Variants in KCNK12 observed in about 807,000 individuals in gnomAD.
KCNK12 encodes potassium two pore domain channel subfamily K member 12, also known as potassium channel subfamily K member 12.
Under a neutral mutation model 25.3 loss-of-function variants are expected in KCNK12, and 6 were observed. The ratio of observed to expected loss-of-function variants is 0.24; its 90% CI spans 0.13 to 0.47. The LOEUF is 0.47. Ranked by LOEUF, KCNK12 falls within the 20% of genes least tolerant of loss-of-function variation. The pLI, the probability that KCNK12 is intolerant of heterozygous loss-of-function variation, is 0.99. For missense variants in KCNK12, 444 were observed against 661.7 expected, an observed-to-expected ratio of 0.67 and a Z score of 3.61; for synonymous variants, 331 against 311.1, an observed-to-expected ratio of 1.06 and a Z score of -0.67.
chr2:47,531,656 G>A (rs1427350494), intron 1 of KCNK12, among the ~76,000 whole-genome samples: 1 of 152,172 alleles, frequency 6.6e-6, no homozygotes, highest in Non-Finnish European at 1.5e-5. Context: ...TGATGGAGCA[G>A]GGGAATCTGT....
rs1357555833 is a variant in KCNK12, at chr2:47,540,258, C to T, written c.392-18450G>A. On this transcript the variant is annotated intron_variant, in intron 1 of 1. Transcript: ENST00000327876. The surrounding 1 kb of genome is among the most constrained non-coding windows in gnomAD (Gnocchi z 5.4). Reference sequence around the variant, plus strand: ...CTGAAGTTTCACAACAGTGTCAACCCCCTCCCTCATGTGTGTACTCACAGC... The same window carrying T: ...CTGAAGTTTCACAACAGTGTCAACCTCCTCCCTCATGTGTGTACTCACAGC... Among the ~76,000 whole-genome samples the T allele has an allele frequency of 6.6e-6, 1 of 152,134 alleles. No individual in the cohort carries two copies. Among genetic ancestry groups the T allele is most frequent in the Non-Finnish European group, 1.5e-5 (1 of 68,028 alleles).
rs1175251430 is a variant in KCNK12 at position 47,510,041 on chromosome 2, G to A, written c.*10866C>T. On this transcript the variant is annotated 3_prime_UTR_variant, in exon 2 of 2. Transcript: ENST00000327876. ...TCTCTCCCTCCCTCCCTTATAGGTG[G>A]TGACGATCATGTGACTCTCTTCTGG... The A allele has an allele frequency of 6.6e-6, 1 of 152,214 alleles. No homozygotes were observed. The highest frequency in any genetic ancestry group is 2.4e-5 in the African/African-American group (1 of 41,440). The allele number at this position is 152,214 out of a possible 1,614,324, so 9.4% of individuals were successfully genotyped here.
Position 47,509,511 on chromosome 2 carries a change from T to G in KCNK12, c.*11396A>C, listed in dbSNP as rs1164455892. Among the ~76,000 whole-genome samples the G allele has an allele frequency of 6.6e-6, 1 of 152,238 alleles. No individual in the cohort carries two copies. The highest frequency in any genetic ancestry group is 1.5e-5 in the Non-Finnish European group (1 of 68,042). On this transcript the variant is annotated 3_prime_UTR_variant, in exon 2 of 2. Coordinates refer to ENST00000327876, the MANE Select transcript of KCNK12 (RefSeq NM_022055.2). Reference sequence around the variant, plus strand: ...CAGCATTAGCTGGCTGGAGGTGGCCTGCTGTGTGCAGATGGTACCTGGTGC... The same window carrying G: ...CAGCATTAGCTGGCTGGAGGTGGCCGGCTGTGTGCAGATGGTACCTGGTGC...
intron 1 of KCNK12, among the ~76,000 whole-genome samples, chr2:47,559,901 G>A (rs1181963813): frequency 6.6e-6 from 1 of 152,232 alleles, no homozygotes; most frequent in Non-Finnish European, 1.5e-5. Flanking sequence ...ATTCCAGGTG[G>A]AGAGTACAGC....
chr2:47,523,921 T>G (rs1399834975), intron 1 of KCNK12, among the ~76,000 whole-genome samples: 1 of 152,260 alleles, frequency 6.6e-6, no homozygotes, highest in African/African-American at 2.4e-5. Flanking sequence ...TGTGGCTTAC[T>G]AGTTTCCTAA....
In KCNK12 at chr2:47,544,754, G is replaced by A. The variant is rs370563921; in HGVS notation, c.392-22946C>T. Among the ~76,000 whole-genome samples the A allele has an allele frequency of 1.8e-4, 27 of 152,312 alleles. No homozygotes were observed. The South Asian group carries it at 5.4e-3, about 30-fold the overall frequency. On this transcript the variant is annotated intron_variant, in intron 1 of 1. Transcript: ENST00000327876. ...CTCCTAGGTGGGTCCCCCAGGCTAG[G>A]TCCTGTGGGGGATGCAGTTGCACTT...
chr2:47,541,633 G>A (rs1306602813), intron 1 of KCNK12, among the ~76,000 whole-genome samples: 2 of 152,068 alleles, frequency 1.3e-5, no homozygotes, highest in Non-Finnish European at 2.9e-5. Context: ...TTAAAAAAGG[G>A]AATCAAGGTA....
chr2:47,552,345 T>G (rs915490462), intron 1 of KCNK12, among the ~76,000 whole-genome samples: 1 of 152,104 alleles, frequency 6.6e-6, no homozygotes. Flanking sequence ...GAGCCCAGCT[T>G]TGGAGGAGGG....
intron 1 of KCNK12, among the ~76,000 whole-genome samples, chr2:47,567,561 G>A (rs1324693435): frequency 6.6e-6 from 1 of 152,182 alleles, no homozygotes; most frequent in African/African-American, 2.4e-5. Context: ...CTGACTGATG[G>A]AAGTGACCAA....
Position 47,513,715 on chromosome 2 carries a change from G to A in KCNK12, c.*7192C>T, listed in dbSNP as rs1258152523. 6.6e-6 allele frequency among the ~76,000 whole-genome samples: 1 copy of A among 152,052 alleles called. No homozygotes were observed. The highest frequency in any genetic ancestry group is 1.9e-4 in the East Asian group (1 of 5,180). On this transcript the variant is annotated 3_prime_UTR_variant, in exon 2 of 2. Coordinates refer to ENST00000327876, the MANE Select transcript of KCNK12 (RefSeq NM_022055.2). ...TCACCTCTTCTGTTCCTCCTCCTGGGTTCCCAGGCTCAGTGGTGGCACCAC... is the reference window on the plus strand; with the variant it reads ...TCACCTCTTCTGTTCCTCCTCCTGGATTCCCAGGCTCAGTGGTGGCACCAC...
chr2:47,536,196 G>C (rs372933751), intron 1 of KCNK12, among the ~76,000 whole-genome samples: 2 of 152,170 alleles, frequency 1.3e-5, no homozygotes, highest in African/African-American at 4.8e-5. Flanking sequence ...TCAAGGTCAG[G>C]AATGACTTAT....
In KCNK12 at chr2:47,528,352, CCTT is replaced by C. The variant is rs1473333752; in HGVS notation, c.392-6547_392-6545del. ...AAGGTGGGGGTGGAGGATGGTCCAT[CCTT>C]CTTCCGCATCAAGGTCAGTAGGTTC... On this transcript the variant is annotated intron_variant, in intron 1 of 1. Transcript: ENST00000327876. This position sits in a 1 kb window ranked among gnomAD's most constrained non-coding sequence, Gnocchi z 4.5. 2 of 152,442 alleles carry C rather than the reference CCTT, an allele frequency of 1.3e-5. No individual in the cohort carries two copies. Among genetic ancestry groups the C allele is most frequent in the African/African-American group, 2.4e-5 (1 of 41,454 alleles). 9.4% of individuals were successfully genotyped at this position (152,442 alleles called of 1,614,324 possible).
intron 1 of KCNK12, among the ~76,000 whole-genome samples, chr2:47,536,396 C>T (rs1347374689): frequency 1.3e-5 from 2 of 152,166 alleles, no homozygotes; most frequent in African/African-American, 2.4e-5. Flanking sequence ...TTCTTGCCAC[C>T]CTCCAGAATG....
At chr2:47,554,357 G>T (rs956440704) in intron 1 of KCNK12, among the ~76,000 whole-genome samples, 1 of 152,208 alleles carries the variant, frequency 6.6e-6, no homozygotes, top group Non-Finnish European at 1.5e-5. Context: ...ACAGTGACTA[G>T]GGGTTAGTGG....
In KCNK12 at chr2:47,521,147, G is replaced by A; in HGVS notation, c.1053C>T (p.Asp351=). ...LRRRLAALGA[D]PAARDSDAEG... ...CGGCGTCGCTGTCGCGGGCCGCGGG[G>A]TCGGCACCGAGCGCGGCCAGGCGGC... The change falls in exon 2 of 2, where the codon GAC becomes GAT. Residue 351 remains aspartate, a synonymous_variant. Transcript: ENST00000327876. 7.7e-7 allele frequency: 1 copy of A among 1,295,260 alleles called. No homozygotes were observed. Among genetic ancestry groups the A allele is most frequent in the Non-Finnish European group, 9.7e-7 (1 of 1,026,366 alleles). The allele number at this position is 1,295,260 out of a possible 1,614,324, so 80.2% of individuals were successfully genotyped here.
In KCNK12 at chr2:47,521,504, C is replaced by T. The variant is rs954531516; in HGVS notation, c.696G>A (p.Ser232=). 3.1e-6 allele frequency: 5 copies of T among 1,594,036 alleles called. No individual in the cohort carries two copies. The South Asian group carries it at 5.7e-5, about 18-fold the overall frequency. The part of the protein sequence containing the change: ...LFAVLLSCCA[S]AMYTSVEGWD... ...AGCCCTCCACGCTGGTGTACATGGC[C>T]GAGGCGCAGCAGGACAGCAGCACGG... The change falls in exon 2 of 2, where the codon TCG becomes TCA. Residue 232 remains serine, a synonymous_variant. Transcript: ENST00000327876.
Position 47,520,017 on chromosome 2 carries a change from A to G in KCNK12, c.*890T>C, listed in dbSNP as rs1324207378. The G allele has an allele frequency of 6.6e-6, 1 of 152,306 alleles. No individual in the cohort carries two copies. The highest frequency in any genetic ancestry group is 1.9e-4 in the East Asian group (1 of 5,184). 9.4% of individuals were successfully genotyped at this position (152,306 alleles called of 1,614,324 possible). Reference sequence around the variant, plus strand: ...AAAAAATCCACACCAACAAATAAATATCTTGTCTGAGAAGACTCAGATATT... The same window carrying G: ...AAAAAATCCACACCAACAAATAAATGTCTTGTCTGAGAAGACTCAGATATT... On this transcript the variant is annotated 3_prime_UTR_variant, in exon 2 of 2. Transcript: ENST00000327876. This position sits in a 1 kb window ranked among gnomAD's most constrained non-coding sequence, Gnocchi z 5.0.
In KCNK12 at chr2:47,544,639, C is replaced by A. The variant is rs184374395; in HGVS notation, c.392-22831G>T. Among the ~76,000 whole-genome samples, 234 of 152,316 alleles carry A rather than the reference C, an allele frequency of 1.5e-3. 1 individual carries two copies. The Middle Eastern group carries it at 0.044, about 29-fold the overall frequency. On this transcript the variant is annotated intron_variant, in intron 1 of 1. Coordinates refer to ENST00000327876, the MANE Select transcript of KCNK12 (RefSeq NM_022055.2). The stretch of plus-strand genomic sequence containing the variant: ...TGTAATTTTCCAGCCTCCTAAATGG[C>A]CCCCTGGCAGCTTACATACCACATG...
At position 47,517,397 on chromosome 2, in the gene KCNK12, C is replaced by G. The variant is rs759860970; in HGVS notation, c.*3510G>C. 3 of 152,140 alleles carry G rather than the reference C, an allele frequency of 2.0e-5. No individual in the cohort carries two copies. The highest frequency in any genetic ancestry group is 2.9e-5 in the Non-Finnish European group (2 of 68,046). The allele number at this position is 152,140 out of a possible 1,614,324, so 9.4% of individuals were successfully genotyped here. On this transcript the variant is annotated 3_prime_UTR_variant, in exon 2 of 2. Coordinates refer to ENST00000327876, the MANE Select transcript of KCNK12 (RefSeq NM_022055.2). This position sits in a 1 kb window ranked among gnomAD's most constrained non-coding sequence, Gnocchi z 4.1. Reference sequence around the variant, plus strand: ...TTGGCTTGGGTTTGGATGCTGGCTTCTGTGTGAAACCTGAATACATGCAAA... The same window carrying G: ...TTGGCTTGGGTTTGGATGCTGGCTTGTGTGTGAAACCTGAATACATGCAAA...
Sources: gnomAD v4.1 joint callset for allele counts (sites outside exome capture counted in the v4.1 genomes callset) on GRCh38, gnomAD v4.1.1 for gene constraint, Gnocchi (gnomAD v3.1) non-coding constraint, MANE v1.5 for transcripts, NCBI Gene and HGNC (gene_info 2026-07-23, HGNC 2026-07-21) for gene names.